The following SLC22A4 variants were observed in gnomAD, a reference collection of about 807,000 sequenced individuals.
SLC22A4 encodes solute carrier family 22 member 4.
Under a neutral mutation model 56.6 loss-of-function variants are expected in SLC22A4, and 39 were observed. That is an observed-to-expected ratio of 0.69 (90% CI 0.53 to 0.90). SLC22A4 has a LOEUF of 0.90. SLC22A4 is among the 40% of genes least tolerant of loss of function. The pLI is 0.00. For missense variants in SLC22A4, 594 were observed against 696.5 expected, an observed-to-expected ratio of 0.85 and a Z score of 1.66; for synonymous variants, 241 against 281.4, an observed-to-expected ratio of 0.86 and a Z score of 1.44.
intron 4 of SLC22A4, among the ~76,000 whole-genome samples, chr5:132,323,743 G>C (rs1055123191): frequency 2.6e-5 from 4 of 152,182 alleles, no homozygotes; most frequent in African/African-American, 9.7e-5. Context: ...CTTGCTAGCT[G>C]AATTTATTGG....
In SLC22A4 at chr5:132,294,436, G is replaced by A; in HGVS notation, c.-181G>A. ...AAGCTCAGCGCGAGCTCCCGGGAAC[G>A]CTCCAACGCCTTCAGCCTGTTTCCC... On this transcript the variant is annotated 5_prime_UTR_variant, in exon 1 of 10. Coordinates refer to ENST00000200652, the MANE Select transcript of SLC22A4 (RefSeq NM_003059.3). The surrounding 1 kb of genome is among the most constrained non-coding windows in gnomAD (Gnocchi z 5.6). The A allele has an allele frequency of 6.6e-6, 5 of 761,124 alleles. No homozygotes were observed. Among genetic ancestry groups the A allele is most frequent in the Non-Finnish European group, 1.1e-5 (5 of 467,972 alleles). 47.1% of individuals were successfully genotyped at this position (761,124 alleles called of 1,614,324 possible). A position where few individuals can be genotyped will look rare whatever the true frequency, so the allele number is the denominator to read the frequency against.
chr5:132,340,620 T>C lies in SLC22A4; in HGVS notation c.1500T>C (p.Ile500=), dbSNP rs61731074. 4.1e-4 allele frequency: 660 copies of C among 1,613,928 alleles called. 1 individual carries two copies. In the African/African-American group the frequency reaches 7.9e-3, roughly 19 times the overall value. Residue 500 remains isoleucine, a synonymous_variant, in exon 9 of 10, where the codon ATT becomes ATC. Coordinates refer to ENST00000200652, the MANE Select transcript of SLC22A4 (RefSeq NM_003059.3). The part of the protein sequence containing the change: ...YIVMGSLTVL[I]GILTLFFPES... ...TCATGGGTAGTCTGACTGTCCTGATTGGAATCCTCACCCTTTTTTTCCCTG... is the reference window on the plus strand; with the variant it reads ...TCATGGGTAGTCTGACTGTCCTGATCGGAATCCTCACCCTTTTTTTCCCTG...
chr5:132,343,941 A>G lies in SLC22A4; in HGVS notation c.*106A>G. ...GACTGACTGTAACGATTGACACCAA[A>G]ATGAACCTTGCTATCAAGAAATGCT... On this transcript the variant is annotated 3_prime_UTR_variant, in exon 10 of 10. Transcript: ENST00000200652. 1 of 700,446 alleles carries G rather than the reference A, an allele frequency of 1.4e-6. No individual in the cohort carries two copies. Among genetic ancestry groups the G allele is most frequent in the Non-Finnish European group, 2.5e-6 (1 of 395,960 alleles). 43.4% of individuals were successfully genotyped at this position (700,446 alleles called of 1,614,324 possible).
intron 7 of SLC22A4, 87 bp from the exon 8 acceptor site, chr5:132,335,731 C>A: frequency 1.8e-6 from 2 of 1,134,332 alleles, no homozygotes; most frequent in Non-Finnish European, 2.7e-6. Flanking sequence ...AGTACTCCCA[C>A]TGAAGCAAAA....
At chr5:132,318,758 C>T (rs754126084) in intron 3 of SLC22A4, among the ~76,000 whole-genome samples, 2 of 152,146 alleles carry the variant, frequency 1.3e-5, no homozygotes, top group Non-Finnish European at 2.9e-5. Context: ...GCTTAGATGT[C>T]AAAGTTTCAC....
At chr5:132,330,029 G>T (rs1010930995) in intron 5 of SLC22A4, among the ~76,000 whole-genome samples, 6 of 152,194 alleles carry the variant, frequency 3.9e-5, no homozygotes, top group African/African-American at 7.2e-5. Flanking sequence ...AAGATGTCTG[G>T]TTCCCACTAG....
chr5:132,333,040 T>TA lies in SLC22A4; in HGVS notation c.1046+1190_1046+1191insA, dbSNP rs757304619. Among the ~76,000 whole-genome samples the TA allele has an allele frequency of 7.2e-5, 11 of 152,302 alleles. No individual in the cohort carries two copies. In the South Asian group the frequency reaches 1.7e-3, roughly 23 times the overall value. On this transcript the variant is annotated intron_variant, in intron 6 of 9. Transcript: ENST00000200652. The stretch of plus-strand genomic sequence containing the variant: ...TTACTAAATGGGAAAATCACTAAGA[T>TA]CCCTTGAGCATACTTATTTGTTGTG...
At chr5:132,314,455 AGT>A (rs2126713516) in intron 3 of SLC22A4, among the ~76,000 whole-genome samples, 1 of 152,286 alleles carries the variant, frequency 6.6e-6, no homozygotes, top group African/African-American at 2.4e-5. Context: ...CATCCACAGG[AGT>A]GAGAGAGTGT....
intron 8 of SLC22A4, among the ~76,000 whole-genome samples, chr5:132,337,662 A>G (rs1339321230): frequency 6.6e-6 from 1 of 151,758 alleles, no homozygotes; most frequent in African/African-American, 2.4e-5. Flanking sequence ...ATTATGAATG[A>G]GGTTGAGCAT....
At position 132,329,940 on chromosome 5, in the gene SLC22A4, GC is replaced by G. The variant is rs569154075; in HGVS notation, c.952-1812del. On this transcript the variant is annotated intron_variant, in intron 5 of 9. Transcript: ENST00000200652. ...ACCTGGCAACCTGCATTTAAGAAGG[GC>G]CCCGTGGAACCACCAAGTATTAGCA... Among the ~76,000 whole-genome samples, 23 of 152,288 alleles carry G rather than the reference GC, an allele frequency of 1.5e-4. No homozygotes were observed. In the South Asian group the frequency reaches 4.6e-3, roughly 30 times the overall value.
intron 3 of SLC22A4, among the ~76,000 whole-genome samples, chr5:132,318,722 C>A (rs964735158): frequency 6.6e-6 from 1 of 152,154 alleles, no homozygotes; most frequent in East Asian, 1.9e-4. Context: ...TGCTGGCCCT[C>A]ATCCTAGCCA....
At chr5:132,329,473 CT>C (rs4646198) in intron 5 of SLC22A4, among the ~76,000 whole-genome samples, 80,021 of 145,200 alleles carry the variant, frequency 0.55, 22,689 homozygotes, top group African/African-American at 0.71. Context: ...ATTGCTCATG[CT>C]TTTTTTTTTT....
intron 4 of SLC22A4, among the ~76,000 whole-genome samples, chr5:132,326,975 A>G (rs772664979): frequency 1.4e-4 from 21 of 152,218 alleles, no homozygotes; most frequent in Non-Finnish European, 2.5e-4. Context: ...CACACTACCT[A>G]TAAGTTTTGG....
chr5:132,297,346 CA>C lies in SLC22A4; in HGVS notation c.393+2343del, dbSNP rs1749803382. Among the ~76,000 whole-genome samples the C allele has an allele frequency of 2.0e-5, 3 of 150,616 alleles. No individual in the cohort carries two copies. The South Asian group carries it at 6.2e-4, about 31-fold the overall frequency. ...ACAAACAAACAAACAACAACAACAA[CA>C]AAAAACTGGGCTCTGGTGGTTGGGA... is the stretch of plus-strand genomic sequence containing the variant. On this transcript the variant is annotated intron_variant, in intron 1 of 9. Transcript: ENST00000200652.
intron 6 of SLC22A4, among the ~76,000 whole-genome samples, chr5:132,333,377 G>A (rs1480778853): frequency 6.6e-6 from 1 of 152,196 alleles, no homozygotes; most frequent in East Asian, 1.9e-4. Context: ...TTTTTGAAGC[G>A]GAAAGCAGGC....
intron 1 of SLC22A4, among the ~76,000 whole-genome samples, chr5:132,308,372 ATTTTTTTTTTTTTTTTTTT>A (rs56259514): frequency 9.8e-4 from 60 of 61,324 alleles, no homozygotes; most frequent in African/African-American, 3.5e-3. Context: ...TGATTAAGCA[ATTTTTTTTTTTTTTTTTTT>A]TTTTTTTTTT....
chr5:132,325,858 T>C (rs1750672758), intron 4 of SLC22A4, among the ~76,000 whole-genome samples: 1 of 152,166 alleles, frequency 6.6e-6, no homozygotes, highest in South Asian at 2.1e-4. Flanking sequence ...ACGCTTTCCA[T>C]AAGACACGCC....
intron 5 of SLC22A4, among the ~76,000 whole-genome samples, chr5:132,330,706 A>C (rs1010563841): frequency 3.3e-5 from 5 of 152,212 alleles, no homozygotes; most frequent in Non-Finnish European, 5.9e-5. Context: ...AGCCTGGGCA[A>C]CAAGAGTGAA....
chr5:132,314,463 A>T (rs77843285), intron 3 of SLC22A4, among the ~76,000 whole-genome samples: 4,129 of 152,174 alleles, frequency 0.027, 186 homozygotes, highest in African/African-American at 0.094. Context: ...GGAGTGAGAG[A>T]GTGTGTTCTC....
Sources: allele counts gnomAD v4.1 joint callset (sites outside exome capture counted in the v4.1 genomes callset), GRCh38; gene constraint gnomAD v4.1.1; non-coding constraint Gnocchi (gnomAD v3.1); transcripts MANE v1.5; gene names NCBI Gene and HGNC (gene_info 2026-07-23, HGNC 2026-07-21).